ARHGAP25: variants seen among roughly 807,000 people sequenced by gnomAD.
ARHGAP25 encodes Rho GTPase activating protein 25, also known as rho GTPase-activating protein 25.
Under a neutral mutation model 71.0 loss-of-function variants are expected in ARHGAP25, and 34 were observed. That is an observed-to-expected ratio of 0.48 (90% confidence interval 0.36 to 0.64). The LOEUF (loss-of-function observed/expected upper bound fraction) is 0.64. Among genes scored for constraint, ARHGAP25 ranks in the 30% least tolerant of loss-of-function variants. The pLI is 0.00. For missense variants in ARHGAP25, 706 were observed against 805.1 expected, an observed-to-expected ratio of 0.88 and a Z score of 1.49; for synonymous variants, 282 against 296.5, an observed-to-expected ratio of 0.95 and a Z score of 0.50.
At chr2:68,821,825 C>G (rs1681689785) in intron 9 of ARHGAP25, among the ~76,000 whole-genome samples, 1 of 149,042 alleles carries the variant, frequency 6.7e-6, no homozygotes, top group African/African-American at 2.5e-5. Flanking sequence ...TTGTTGATCT[C>G]TTTCTTCACA....
At chr2:68,819,397 G>T in intron 9 of ARHGAP25, 78 bp downstream of exon 9, 1 of 1,525,238 alleles carries the variant, frequency 6.6e-7, no homozygotes, top group East Asian at 2.3e-5. Flanking sequence ...CCTGCTCTCG[G>T]GTGGCAATTT....
intron 1 of ARHGAP25, among the ~76,000 whole-genome samples, chr2:68,771,429 T>G (rs983415454): frequency 6.6e-6 from 1 of 152,148 alleles, no homozygotes; most frequent in Non-Finnish European, 1.5e-5. Context: ...AACAGCTCCA[T>G]TAATAGTAAC....
chr2:68,781,836 A>T (rs1235449268), intron 2 of ARHGAP25, among the ~76,000 whole-genome samples: 1 of 152,176 alleles, frequency 6.6e-6, no homozygotes, highest in East Asian at 1.9e-4. Flanking sequence ...TGAGTGGTTC[A>T]GTCCTCCCTG....
intron 4 of ARHGAP25, among the ~76,000 whole-genome samples, chr2:68,801,942 C>T (rs1369073478): frequency 6.6e-6 from 1 of 152,102 alleles, no homozygotes; most frequent in African/African-American, 2.4e-5. Flanking sequence ...TCCTTTCATA[C>T]TCTCTAACTA....
chr2:68,771,719 A>G (rs1677500526), intron 1 of ARHGAP25, among the ~76,000 whole-genome samples: 1 of 152,216 alleles, frequency 6.6e-6, no homozygotes, highest in African/African-American at 2.4e-5. Flanking sequence ...TTTGGGCCTA[A>G]TTCCAGCAGT....
chr2:68,818,236 A>G (rs1330404546), intron 8 of ARHGAP25, among the ~76,000 whole-genome samples: 1 of 152,236 alleles, frequency 6.6e-6, no homozygotes, highest in African/African-American at 2.4e-5. Flanking sequence ...GACTAGTACA[A>G]TAATAGCTAG....
chr2:68,796,573 C>T (rs1392778852), intron 4 of ARHGAP25, among the ~76,000 whole-genome samples: 1 of 152,148 alleles, frequency 6.6e-6, no homozygotes, highest in Non-Finnish European at 1.5e-5. Context: ...TTAGTGTGTG[C>T]AGTGGTGAAG....
rs143577671 is a variant in ARHGAP25, at chr2:68,795,520, C to T, written c.466+7564C>T. 6.5e-3 allele frequency among the ~76,000 whole-genome samples: 995 copies of T among 152,192 alleles called. 7 individuals are homozygous for T. The highest frequency in any genetic ancestry group is 0.023 in the African/African-American group (941 of 41,530). On this transcript the variant is annotated intron_variant, in intron 4 of 10. Coordinates refer to ENST00000409202, the MANE Select transcript of ARHGAP25 (RefSeq NM_001007231.3). ...ATTTCTATCTTAATTTCTTCATTGA[C>T]CCAATGATCATTCGGTAGCATGTTA...
At chr2:68,773,758 G>T (rs1476547657) in intron 1 of ARHGAP25, among the ~76,000 whole-genome samples, 1 of 152,188 alleles carries the variant, frequency 6.6e-6, no homozygotes, top group African/African-American at 2.4e-5. Flanking sequence ...GAAGAGGGAA[G>T]TTGAAGAAGC....
At chr2:68,762,024 A>G (rs1366861612) in intron 1 of ARHGAP25, among the ~76,000 whole-genome samples, 1 of 152,250 alleles carries the variant, frequency 6.6e-6, no homozygotes, top group African/African-American at 2.4e-5. Context: ...AATGTGGTAT[A>G]TACATTCAAT....
At chr2:68,751,195 G>T (rs1244850970) in intron 1 of ARHGAP25, among the ~76,000 whole-genome samples, 1 of 152,196 alleles carries the variant, frequency 6.6e-6, no homozygotes, top group Non-Finnish European at 1.5e-5. Context: ...AGCCCAGGGA[G>T]GGTGCAGGAC....
chr2:68,803,775 G>A (rs990315874), intron 4 of ARHGAP25, among the ~76,000 whole-genome samples: 2 of 151,810 alleles, frequency 1.3e-5, no homozygotes, highest in African/African-American at 4.8e-5. Flanking sequence ...GGAAAGGCAG[G>A]GACTGGAGAT....
intron 1 of ARHGAP25, among the ~76,000 whole-genome samples, chr2:68,738,489 T>C (rs1449899275): frequency 6.6e-6 from 1 of 152,188 alleles, no homozygotes; most frequent in Non-Finnish European, 1.5e-5. Flanking sequence ...TTCTTTACAA[T>C]TCATTACCAA....
intron 4 of ARHGAP25, among the ~76,000 whole-genome samples, chr2:68,801,687 T>C (rs189352185): frequency 1.3e-5 from 2 of 152,330 alleles, no homozygotes; most frequent in Admixed American, 6.5e-5. Context: ...CTGAGCCAGA[T>C]GGACTGTCTG....
chr2:68,791,213 C>G (rs1440801581), intron 4 of ARHGAP25, among the ~76,000 whole-genome samples: 1 of 152,186 alleles, frequency 6.6e-6, no homozygotes, highest in Non-Finnish European at 1.5e-5. Flanking sequence ...CTAAATATTT[C>G]ACTCATTTGT....
In ARHGAP25 at chr2:68,734,991, C is replaced by T; in HGVS notation, c.-209C>T. 3 of 604,680 alleles carry T rather than the reference C, an allele frequency of 5.0e-6. No individual in the cohort carries two copies. The highest frequency in any genetic ancestry group is 4.0e-5 in the South Asian group (2 of 49,926). The allele number at this position is 604,680 out of a possible 1,614,324, so 37.5% of individuals were successfully genotyped here. A position where few individuals can be genotyped will look rare whatever the true frequency, so the allele number is the denominator to read the frequency against. ...AGGCTGGGGGAGTTTGGGTGCCATC[C>T]TCCAGTGACAGATGGATGGACCTTT... On this transcript the variant is annotated 5_prime_UTR_variant, in exon 1 of 11. Transcript: ENST00000409202.
intron 4 of ARHGAP25, among the ~76,000 whole-genome samples, chr2:68,804,364 T>C (rs1680211367): frequency 6.6e-6 from 1 of 152,212 alleles, no homozygotes; most frequent in African/African-American, 2.4e-5. Context: ...GCCTCTCTCA[T>C]TGAAGGGCCC....
chr2:68,786,350 A>G (rs374752652), intron 3 of ARHGAP25, among the ~76,000 whole-genome samples: 1 of 152,266 alleles, frequency 6.6e-6, no homozygotes, highest in East Asian at 1.9e-4. Flanking sequence ...TAGGAGCAAT[A>G]TGGGCCAGCG....
chr2:68,722,920 G>A (rs1674797284), intron 2 of ARHGAP25, among the ~76,000 whole-genome samples: 1 of 152,180 alleles, frequency 6.6e-6, no homozygotes, highest in Non-Finnish European at 1.5e-5. Context: ...CTCCAAACGG[G>A]AGAGGTGCGC....
Sources: allele counts gnomAD v4.1 joint callset (sites outside exome capture counted in the v4.1 genomes callset), GRCh38; gene constraint gnomAD v4.1.1; transcripts MANE v1.5; gene names NCBI Gene and HGNC (gene_info 2026-07-23, HGNC 2026-07-21).